Variants in RAP1A observed in about 807,000 individuals in gnomAD.
The protein encoded by RAP1A is ras-related protein Rap-1A.
A neutral mutation model predicts 26.4 loss-of-function variants in RAP1A; 6 were observed. The ratio of observed to expected loss-of-function variants is 0.23; its 90% CI spans 0.12 to 0.45. RAP1A has a LOEUF of 0.45. Among genes scored for constraint, RAP1A ranks in the 20% least tolerant of loss-of-function variants. RAP1A has a pLI of 0.99. For synonymous variants in RAP1A, 73 were observed against 79.4 expected (o/e 0.92, Z 0.43); for missense variants, 121 against 217.2 (o/e 0.56, Z 2.78).
At chr1:111,660,690 T>C (rs928877120) in intron 1 of RAP1A, among the ~76,000 whole-genome samples, 1 of 152,210 alleles carries the variant, frequency 6.6e-6, no homozygotes, top group African/African-American at 2.4e-5. Context: ...CATCCTCTGC[T>C]CAAAACTGTC....
chr1:111,691,500 C>T (rs1571565311), intron 2 of RAP1A, 83 bp downstream of exon 2: 6 of 1,281,744 alleles, frequency 4.7e-6, no homozygotes, highest in Admixed American at 3.7e-5. Flanking sequence ...TTCTAGATGC[C>T]AAAGAGAAAA....
chr1:111,697,296 C>T (rs1412164155), intron 3 of RAP1A, 145 bp from the exon 4 acceptor site: 6 of 1,481,572 alleles, frequency 4.0e-6, no homozygotes, highest in Non-Finnish European at 4.5e-6. Flanking sequence ...TATTGTGGTA[C>T]CAAGTTTACC....
chr1:111,658,258 C>T (rs1437025426), intron 1 of RAP1A, among the ~76,000 whole-genome samples: 2 of 152,070 alleles, frequency 1.3e-5, no homozygotes, highest in African/African-American at 4.8e-5. Flanking sequence ...TATAGAAATA[C>T]AGTCACACAT....
chr1:111,656,462 T>C (rs180832619), intron 1 of RAP1A, among the ~76,000 whole-genome samples: 20 of 152,312 alleles, frequency 1.3e-4, no homozygotes, highest in Non-Finnish European at 2.4e-4. Flanking sequence ...TTTCTATTCC[T>C]CCTTAAAGCA....
chr1:111,591,500 A>G (rs1658470898), intron 1 of RAP1A, among the ~76,000 whole-genome samples: 1 of 152,166 alleles, frequency 6.6e-6, no homozygotes, highest in Non-Finnish European at 1.5e-5. Flanking sequence ...TTTGGAATAT[A>G]TTTCATTATT....
At chr1:111,655,981 G>A (rs551957763) in intron 1 of RAP1A, among the ~76,000 whole-genome samples, 1 of 151,846 alleles carries the variant, frequency 6.6e-6, no homozygotes, top group Non-Finnish European at 1.5e-5. Context: ...GAGCCACCGC[G>A]CCCGGCCTCC....
intron 1 of RAP1A, among the ~76,000 whole-genome samples, chr1:111,572,250 A>C (rs1210375986): frequency 1.3e-5 from 2 of 152,234 alleles, no homozygotes; most frequent in African/African-American, 2.4e-5. Flanking sequence ...AAAGGCACAC[A>C]GCACTCTTTT....
At chr1:111,707,005 A>G (rs1245940786) in intron 6 of RAP1A, among the ~76,000 whole-genome samples, 1 of 152,230 alleles carries the variant, frequency 6.6e-6, no homozygotes, top group Non-Finnish European at 1.5e-5. Flanking sequence ...GCTTAAGCAC[A>G]TTGAGTTCTT....
chr1:111,593,643 T>A (rs1032981071), intron 1 of RAP1A, among the ~76,000 whole-genome samples: 4 of 137,566 alleles, frequency 2.9e-5, no homozygotes, highest in Admixed American at 1.5e-4. Context: ...GCTTAAGTTA[T>A]GACTCCTACT....
At chr1:111,606,770 C>T (rs766594864) in intron 1 of RAP1A, among the ~76,000 whole-genome samples, 17 of 152,068 alleles carry the variant, frequency 1.1e-4, no homozygotes, top group Non-Finnish European at 2.2e-4. Flanking sequence ...TACAGGCTGC[C>T]GATAGTTTTA....
intron 1 of RAP1A, among the ~76,000 whole-genome samples, chr1:111,579,892 C>T (rs1313147070): frequency 2.0e-5 from 3 of 151,152 alleles, no homozygotes; most frequent in South Asian, 2.1e-4. Context: ...TCACTGCAAG[C>T]GAGTCTCTTG....
chr1:111,571,951 C>G (rs1362851557), intron 1 of RAP1A, among the ~76,000 whole-genome samples: 9 of 152,186 alleles, frequency 5.9e-5, no homozygotes, highest in African/African-American at 1.9e-4. Flanking sequence ...ATTCCCTGAC[C>G]CTCTTTATTG....
chr1:111,555,119 ACT>A (rs962901007), intron 1 of RAP1A, among the ~76,000 whole-genome samples: 1 of 152,032 alleles, frequency 6.6e-6, no homozygotes, highest in Non-Finnish European at 1.5e-5. Flanking sequence ...TAATTCCAAC[ACT>A]CTGGGAGGCA....
intron 1 of RAP1A, among the ~76,000 whole-genome samples, chr1:111,631,438 T>TA (rs967456642): frequency 6.6e-6 from 1 of 152,166 alleles, no homozygotes; most frequent in African/African-American, 2.4e-5. Flanking sequence ...GTAGACCCCT[T>TA]ACATCCTATT....
At chr1:111,673,480 A>T (rs968919516) in intron 1 of RAP1A, among the ~76,000 whole-genome samples, 86 of 152,378 alleles carry the variant, frequency 5.6e-4, no homozygotes, top group African/African-American at 1.9e-3. Flanking sequence ...ATTCACAAAG[A>T]CAATCAAGTC....
chr1:111,643,143 T>C (rs1659947690), intron 1 of RAP1A, among the ~76,000 whole-genome samples: 1 of 152,200 alleles, frequency 6.6e-6, no homozygotes, highest in African/African-American at 2.4e-5. Context: ...CTGTTGCAGA[T>C]ATTCAACTCT....
upstream of RAP1A, among the ~76,000 whole-genome samples, chr1:111,619,004 C>T (rs139080840): frequency 1.1e-3 from 174 of 152,242 alleles, 1 homozygote; most frequent in East Asian, 0.014. Flanking sequence ...CTCGGCTCAC[C>T]CTTCTCTCAT....
intron 1 of RAP1A, among the ~76,000 whole-genome samples, chr1:111,586,415 T>C (rs1299597009): frequency 2.0e-5 from 3 of 152,068 alleles, no homozygotes; most frequent in Non-Finnish European, 4.4e-5. Context: ...AAACCCCATC[T>C]CCACAAAAAA....
intron 1 of RAP1A, among the ~76,000 whole-genome samples, chr1:111,550,487 G>C (rs1469829916): frequency 6.6e-6 from 1 of 151,852 alleles, no homozygotes; most frequent in Non-Finnish European, 1.5e-5. Context: ...TTCCCTCTAA[G>C]CATTCTTCCA....
Sources: gnomAD v4.1 joint callset for allele counts (sites outside exome capture counted in the v4.1 genomes callset) on GRCh38, gnomAD v4.1.1 for gene constraint, MANE v1.5 for transcripts, NCBI Gene and HGNC (gene_info 2026-07-23, HGNC 2026-07-21) for gene names.